EDA: variants seen among roughly 807,000 people sequenced by gnomAD.
EDA encodes ectodysplasin-A.
A neutral mutation model predicts 23.6 loss-of-function variants in EDA; 2 were observed. The observed-to-expected ratio is 0.08, with a 90% confidence interval of 0.03 to 0.27. EDA has a LOEUF of 0.27. Ranked by LOEUF, EDA falls within the 10% of genes least tolerant of loss-of-function variation. The pLI is 1.00. For missense variants in EDA, 229 were observed against 324.2 expected, an observed-to-expected ratio of 0.71 and a Z score of 2.26; for synonymous variants, 131 against 132.0, an observed-to-expected ratio of 0.99 and a Z score of 0.05.
chrX:70,007,607 A>G (rs2019820087), intron 2 of EDA, among the ~76,000 whole-genome samples: 1 of 111,411 alleles, frequency 9.0e-6, no homozygotes, highest in Non-Finnish European at 1.9e-5. Flanking sequence ...TAAATTACCC[A>G]GTCTTGGGTA....
chrX:69,915,788 G>A (rs776812988), intron 1 of EDA, among the ~76,000 whole-genome samples: 6 of 110,778 alleles, frequency 5.4e-5, no homozygotes, highest in Non-Finnish European at 1.1e-4. Context: ...TAAAAACTAA[G>A]TGTGGACATG....
chrX:69,980,352 C>A (rs1417301403), intron 2 of EDA, among the ~76,000 whole-genome samples: 1 of 111,873 alleles, frequency 8.9e-6, no homozygotes, highest in Admixed American at 9.5e-5. Context: ...CAATAACAGA[C>A]TGCATTTTGC....
chrX:69,789,330 T>G (rs1271300223), intron 1 of EDA, among the ~76,000 whole-genome samples: 1 of 112,481 alleles, frequency 8.9e-6, no homozygotes, highest in African/African-American at 3.2e-5. Flanking sequence ...GAAGAGATGT[T>G]TTGTGAGCAA....
In EDA at chrX:69,888,978, TTATATATATA is replaced by T. The variant is rs935436674; in HGVS notation, c.397-68015_397-68006del. On this transcript the variant is annotated intron_variant, in intron 1 of 7. Transcript: ENST00000374552. ...GTGGAATTGTTGTATTGTGGGGTAG[TTATATATATA>T]TATATATATATATATATATATATAT... is the stretch of plus-strand genomic sequence containing the variant. Among the ~76,000 whole-genome samples the T allele has an allele frequency of 6.9e-3, 111 of 16,018 alleles. 6 individuals are homozygous for T. Among genetic ancestry groups the T allele is most frequent in the South Asian group, 0.022 (4 of 179 alleles). The allele number at this position is 16,018 out of a possible 115,157, so 13.9% of individuals were successfully genotyped here.
At chrX:69,821,101 T>C (rs1176297247) in intron 1 of EDA, among the ~76,000 whole-genome samples, 3 of 109,968 alleles carry the variant, frequency 2.7e-5, no homozygotes, top group Admixed American at 9.7e-5. Context: ...ATGGATGGAG[T>C]TGGAAGCCAT....
At chrX:69,767,916 A>C (rs1317595283) in intron 1 of EDA, among the ~76,000 whole-genome samples, 2 of 111,993 alleles carry the variant, frequency 1.8e-5, no homozygotes, top group Non-Finnish European at 3.8e-5. Flanking sequence ...TTTCATGCTA[A>C]GAAGTTTTAA....
intron 1 of EDA, among the ~76,000 whole-genome samples, chrX:69,682,683 C>T (rs1934411947): frequency 9.0e-6 from 1 of 111,535 alleles, no homozygotes. Flanking sequence ...CTTCGGCTCG[C>T]ACACGGTTCA....
chrX:69,933,676 C>CA (rs5902665), intron 1 of EDA, among the ~76,000 whole-genome samples: 2 of 102,947 alleles, frequency 1.9e-5, no homozygotes, highest in African/African-American at 7.1e-5. Context: ...GAGACCATCT[C>CA]AAAAAAAAAA....
intron 1 of EDA, among the ~76,000 whole-genome samples, chrX:69,622,609 T>C (rs1932226871): frequency 8.9e-6 from 1 of 112,499 alleles, no homozygotes; most frequent in Non-Finnish European, 1.9e-5. Context: ...ATATGAACTA[T>C]TTTTGTATTT....
At chrX:69,983,618 G>A (rs867605206) in intron 2 of EDA, among the ~76,000 whole-genome samples, 1 of 46,941 alleles carries the variant, frequency 2.1e-5, no homozygotes, top group Non-Finnish European at 3.8e-5. Flanking sequence ...GGTTTCTGCC[G>A]AGAGATCCGC....
intron 2 of EDA, among the ~76,000 whole-genome samples, chrX:69,972,442 C>T (rs1355165879): frequency 9.0e-6 from 1 of 111,537 alleles, no homozygotes; most frequent in Non-Finnish European, 1.9e-5. Context: ...ATAAGAGTGA[C>T]ACTATCATAG....
chrX:69,824,375 G>C (rs1243047138), intron 1 of EDA, among the ~76,000 whole-genome samples: 3 of 108,772 alleles, frequency 2.8e-5, no homozygotes, highest in Non-Finnish European at 5.7e-5. Context: ...TTATTTCCTT[G>C]AGCAGTGGTT....
intron 2 of EDA, among the ~76,000 whole-genome samples, chrX:69,979,553 C>T (rs1446435666): frequency 7.2e-5 from 8 of 111,663 alleles, no homozygotes; most frequent in African/African-American, 2.3e-4. Context: ...CTCATCAACA[C>T]TTGTTACTAT....
intron 1 of EDA, among the ~76,000 whole-genome samples, chrX:69,843,145 G>A (rs1306774549): frequency 1.8e-5 from 2 of 111,979 alleles, no homozygotes; most frequent in Non-Finnish European, 3.8e-5. Context: ...GAAAAATAAG[G>A]TGCAGCAATC....
At chrX:69,931,665 ATTAAAC>A (rs1479585629) in intron 1 of EDA, among the ~76,000 whole-genome samples, 6 of 112,240 alleles carry the variant, frequency 5.3e-5, no homozygotes, top group African/African-American at 1.9e-4. Flanking sequence ...TATTAGAATA[ATTAAAC>A]TTAAAAAGAC....
At chrX:69,968,714 A>G (rs1445496342) in intron 2 of EDA, among the ~76,000 whole-genome samples, 1 of 112,452 alleles carries the variant, frequency 8.9e-6, no homozygotes, top group Non-Finnish European at 1.9e-5. Context: ...TAACACTGGT[A>G]GCAGTTTTAA....
chrX:70,006,091 T>C (rs1569399158), intron 2 of EDA, among the ~76,000 whole-genome samples: 2 of 112,560 alleles, frequency 1.8e-5, no homozygotes, highest in Non-Finnish European at 3.7e-5. Flanking sequence ...ATTATATGGA[T>C]GTCCACAGTT....
At chrX:69,684,429 A>C (rs905983286) in intron 1 of EDA, among the ~76,000 whole-genome samples, 5 of 112,165 alleles carry the variant, frequency 4.5e-5, no homozygotes, top group Non-Finnish European at 9.4e-5. Context: ...AATTCATCAA[A>C]AAAACAATTA....
chrX:69,718,476 A>T (rs1297428810), intron 1 of EDA, among the ~76,000 whole-genome samples: 1 of 110,997 alleles, frequency 9.0e-6, no homozygotes, highest in African/African-American at 3.3e-5. Context: ...TCTCTATTTC[A>T]AATTACTGAG....
Sources: gnomAD v4.1 joint callset for allele counts (sites outside exome capture counted in the v4.1 genomes callset) on GRCh38, gnomAD v4.1.1 for gene constraint, MANE v1.5 for transcripts, NCBI Gene and HGNC (gene_info 2026-07-23, HGNC 2026-07-21) for gene names.